The following PKHD1 variants were observed in gnomAD, a reference collection of about 807,000 sequenced individuals.
PKHD1 encodes the protein PKHD1 ciliary IPT domain containing fibrocystin/polyductin.
Under a neutral mutation model 412.0 loss-of-function variants are expected in PKHD1, and 291 were observed. The ratio of observed to expected loss-of-function variants is 0.71; its 90% confidence interval spans 0.64 to 0.78. The LOEUF is 0.78. Among genes scored for constraint, PKHD1 ranks in the 30% least tolerant of loss-of-function variants. The probability of loss-of-function intolerance (pLI) is 0.00; values close to 1 mark genes in which losing one functional copy is unlikely to be tolerated. For synonymous variants in PKHD1, 1,777 were observed against 1,821.5 expected (o/e 0.98, Z 0.62); for missense variants, 4,825 against 4,950.7 (o/e 0.97, Z 0.76).
chr6:51,722,022 T>G, intron 60 of PKHD1: 1 of 1,613,668 alleles, frequency 6.2e-7, no homozygotes, highest in Non-Finnish European at 8.5e-7. Context: ...CAGTGGTTAC[T>G]GAAGTAAACA....
In PKHD1 at chr6:51,887,444, T is replaced by A. The variant is rs542406124; in HGVS notation, c.6997-199A>T. On this transcript the variant is annotated intron_variant, in intron 43 of 66. Transcript: ENST00000371117. ...GTGATATGGTTTGGATTTGTCCCCC[T>A]GCCCATATCTCAGGTTGAATTGTAA... is the stretch of plus-strand genomic sequence containing the variant. 3.7e-4 allele frequency among the ~76,000 whole-genome samples: 56 copies of A among 152,306 alleles called. 1 individual carries two copies. The highest frequency in any genetic ancestry group is 1.3e-3 in the African/African-American group (52 of 41,570).
intron 60 of PKHD1, among the ~76,000 whole-genome samples, chr6:51,738,971 T>C (rs946068174): frequency 6.6e-6 from 1 of 151,566 alleles, no homozygotes; most frequent in South Asian, 2.1e-4. Context: ...CAAAACACTA[T>C]TGTATTTTTT....
intron 40 of PKHD1, 141 bp from the exon 41 acceptor site, chr6:51,906,481 T>A: frequency 1.4e-6 from 1 of 702,122 alleles, no homozygotes; most frequent in Non-Finnish European, 2.5e-6. Flanking sequence ...GAAGCAGCAA[T>A]CGAATCAAGA....
At chr6:51,748,815 C>T (rs1211978901) in intron 57 of PKHD1, 150 bp from the exon 58 acceptor site, 1 of 736,034 alleles carries the variant, frequency 1.4e-6, no homozygotes, top group Middle Eastern at 2.4e-4. Context: ...CATAGATTCT[C>T]AACTAAAAAT....
chr6:51,627,901 A>T (rs111646441), intron 65 of PKHD1, among the ~76,000 whole-genome samples: 30 of 152,270 alleles, frequency 2.0e-4, no homozygotes, highest in African/African-American at 6.7e-4. Flanking sequence ...GCACTGTTTA[A>T]GGCTCTGGGA....
chr6:51,909,287 C>T lies in PKHD1; in HGVS notation c.6678G>A (p.Met2226Ile). ...HLSSLTLVGAMRESFIQGCTV... is the reference protein window; with the variant it reads ...HLSSLTLVGAIRESFIQGCTV... Reference sequence around the variant, plus strand: ...CCTAGGTCCGGACCCCCTTACCTCTCATAGCTCCCACCAGAGTGAGTGAGC... The same window carrying T: ...CCTAGGTCCGGACCCCCTTACCTCTTATAGCTCCCACCAGAGTGAGTGAGC... The change falls in exon 40 of 67, where the codon ATG becomes ATA. Residue 2226 changes from methionine to isoleucine, a missense_variant. By Grantham distance (10) the Met-to-Ile change is conservative. Coordinates refer to ENST00000371117, the MANE Select transcript of PKHD1 (RefSeq NM_138694.4). The T allele has an allele frequency of 2.5e-6, 4 of 1,613,070 alleles. No homozygotes were observed. The highest frequency in any genetic ancestry group is 3.4e-6 in the Non-Finnish European group (4 of 1,179,254).
At chr6:52,070,907 A>T in intron 9 of PKHD1, 99 bp downstream of exon 9, 1 of 772,770 alleles carries the variant, frequency 1.3e-6, no homozygotes, top group South Asian at 1.4e-5. Context: ...TATTGTTATT[A>T]TTATTATCCT....
At chr6:51,696,794 G>A (rs114087965) in intron 60 of PKHD1, among the ~76,000 whole-genome samples, 1,661 of 152,130 alleles carry the variant, frequency 0.011, 32 homozygotes, top group African/African-American at 0.038. Context: ...CATTGATAGT[G>A]GGAGATGGAA....
chr6:51,801,652 TGTGA>T (rs1336110691), intron 52 of PKHD1, among the ~76,000 whole-genome samples: 25 of 143,032 alleles, frequency 1.7e-4, no homozygotes, highest in African/African-American at 1.6e-4. Flanking sequence ...TGTGTGTGTG[TGTGA>T]GAGAGAGAGA....
intron 45 of PKHD1, among the ~76,000 whole-genome samples, chr6:51,885,345 T>C (rs1418626033): frequency 6.6e-6 from 1 of 152,194 alleles, no homozygotes; most frequent in Non-Finnish European, 1.5e-5. Context: ...GAGTGGTATC[T>C]TGAGCTAGAA....
intron 32 of PKHD1, among the ~76,000 whole-genome samples, 164 bp downstream of exon 32, chr6:52,024,410 A>C (rs1801832633): frequency 6.6e-6 from 1 of 152,264 alleles, no homozygotes; most frequent in South Asian, 2.1e-4. Flanking sequence ...TAAACAGAGC[A>C]TAACAAAGAC....
intron 52 of PKHD1, among the ~76,000 whole-genome samples, chr6:51,821,259 T>C (rs537096070): frequency 7.2e-5 from 11 of 152,324 alleles, no homozygotes; most frequent in African/African-American, 2.4e-4. Context: ...AATCATAGAA[T>C]ATGGGGTTGG....
intron 54 of PKHD1, among the ~76,000 whole-genome samples, chr6:51,774,737 A>T (rs1239212069): frequency 6.6e-6 from 1 of 151,854 alleles, no homozygotes; most frequent in Non-Finnish European, 1.5e-5. Context: ...CTGCTAATGA[A>T]TATTAAATTT....
In PKHD1 at chr6:52,083,250, G is replaced by A; in HGVS notation, c.58C>T (p.His20Tyr). Reference protein sequence around the residue: ...SIEVLLLAVRHLSLHIEPEEG... With the variant: ...SIEVLLLAVRYLSLHIEPEEG... ...TCAGGTTCAATATGTAAACTCAGGT[G>A]ACGTACTGTAAGTAAGTGAAAAAAA... The change falls in exon 3 of 67, where the codon CAC (histidine) becomes TAC (tyrosine). Residue 20 changes from histidine to tyrosine, a missense_variant. His to Tyr is a moderately conservative substitution (Grantham distance 83). Transcript: ENST00000371117. 6.2e-7 allele frequency: 1 copy of A among 1,600,324 alleles called. No homozygotes were observed. Among genetic ancestry groups the A allele is most frequent in the Non-Finnish European group, 8.6e-7 (1 of 1,167,426 alleles).
intron 60 of PKHD1, among the ~76,000 whole-genome samples, chr6:51,724,168 T>A (rs913167224): frequency 6.6e-6 from 1 of 152,192 alleles, no homozygotes; most frequent in African/African-American, 2.4e-5. Flanking sequence ...AGAGACTGTA[T>A]CTGCATAATA....
intron 37 of PKHD1, among the ~76,000 whole-genome samples, chr6:51,920,221 G>T (rs951576617): frequency 6.6e-6 from 1 of 152,204 alleles, no homozygotes; most frequent in Non-Finnish European, 1.5e-5. Flanking sequence ...CAAAGGGAAT[G>T]CTTCTGGTTT....
At chr6:51,802,257 A>G (rs1306089644) in intron 52 of PKHD1, among the ~76,000 whole-genome samples, 2 of 147,822 alleles carry the variant, frequency 1.4e-5, no homozygotes, top group African/African-American at 5.4e-5. Flanking sequence ...ACAACAATCA[A>G]ACAAACAAAA....
chr6:51,637,632 G>T (rs1449106326), intron 64 of PKHD1, among the ~76,000 whole-genome samples: 4 of 151,652 alleles, frequency 2.6e-5, no homozygotes, highest in Non-Finnish European at 5.9e-5. Flanking sequence ...CAGGCTGGGC[G>T]TGGTGACTGA....
chr6:51,630,994 A>T (rs921410450), intron 65 of PKHD1, among the ~76,000 whole-genome samples: 2 of 152,170 alleles, frequency 1.3e-5, no homozygotes, highest in Non-Finnish European at 2.9e-5. Flanking sequence ...ATATATTTGT[A>T]AACACAGGAA....
Sources: allele counts gnomAD v4.1 joint callset (sites outside exome capture counted in the v4.1 genomes callset), GRCh38; gene constraint gnomAD v4.1.1; transcripts MANE v1.5; gene names NCBI Gene and HGNC (gene_info 2026-07-23, HGNC 2026-07-21).